BIRC6: variants seen among roughly 807,000 people sequenced by gnomAD.
BIRC6 encodes dual E2 ubiquitin-conjugating enzyme/E3 ubiquitin-protein ligase BIRC6.
Under a neutral mutation model 503.3 loss-of-function variants are expected in BIRC6, and 98 were observed. That is an observed-to-expected ratio of 0.19 (90% CI 0.17 to 0.23). BIRC6 has a LOEUF of 0.23. BIRC6 is among the 10% of genes least tolerant of loss of function. The probability of loss-of-function intolerance (pLI) is 1.00; values close to 1 mark genes in which losing one functional copy is unlikely to be tolerated. For missense variants in BIRC6, 5,360 were observed against 5,806.0 expected (o/e 0.92, Z 2.50); for synonymous variants, 2,240 against 2,078.7 (o/e 1.08, Z -2.11).
At position 32,464,590 on chromosome 2, in the gene BIRC6, T is replaced by A. The variant is rs2048327861; in HGVS notation, c.5023T>A (p.Ser1675Thr). ...AASAVGPVHNSVPSNPVAAPG... is the reference protein window; with the variant it reads ...AASAVGPVHNTVPSNPVAAPG... ...ATCAGCAGTAGGTCCTGTTCACAAC[T>A]CTGTGCCTTCCAACCCAGTGGCTGC... The change falls in exon 25 of 74, where the codon TCT becomes ACT. Residue 1675 changes from serine to threonine, a missense_variant. By Grantham distance (58) the Ser-to-Thr change is moderately conservative. This residue lies in a region of BIRC6 where 2,299 missense variants were observed against 2,267.2 expected (regional missense o/e 1.01). Coordinates refer to ENST00000421745, the MANE Select transcript of BIRC6 (RefSeq NM_016252.4). The A allele has an allele frequency of 1.2e-6, 2 of 1,612,706 alleles. No homozygotes were observed. The highest frequency in any genetic ancestry group is 1.7e-6 in the Non-Finnish European group (2 of 1,179,130).
chr2:32,402,144 A>G (rs1446715245), intron 8 of BIRC6, among the ~76,000 whole-genome samples: 2 of 152,224 alleles, frequency 1.3e-5, no homozygotes, highest in Non-Finnish European at 2.9e-5. Context: ...CTATAGAAAT[A>G]TTTTGGTAAA....
chr2:32,485,563 A>C (rs991490095), intron 39 of BIRC6, 80 bp from the exon 40 acceptor site: 2 of 921,578 alleles, frequency 2.2e-6, no homozygotes, highest in East Asian at 5.0e-5. Context: ...TTGGGTTCAG[A>C]TGTCATCATT....
At chr2:32,510,750 T>G in intron 53 of BIRC6, 116 bp downstream of exon 53, 1 of 703,142 alleles carries the variant, frequency 1.4e-6, no homozygotes, top group Non-Finnish European at 2.4e-6. Context: ...TGTGATATAT[T>G]GTATGTTTAC....
At chr2:32,471,234 T>C in intron 32 of BIRC6, 110 bp downstream of exon 32, 1 of 1,359,908 alleles carries the variant, frequency 7.4e-7, no homozygotes, top group Non-Finnish European at 1.0e-6. Flanking sequence ...GGCCTGGAGC[T>C]ACCAGCTGTA....
Position 32,505,009 on chromosome 2 carries a change from A to G in BIRC6, c.9504A>G (p.Thr3168=). ...EGIHNFAPLG[T]ITSSSPTAQP... ...TATGTAAAATATCTTCTCTAGGTAC[A>G]ATCACATCTAGCAGTCCTACTGCCC... Residue 3168 remains threonine, a synonymous_variant, in exon 50 of 74, where the codon ACA becomes ACG. Transcript: ENST00000421745. The G allele has an allele frequency of 6.2e-7, 1 of 1,612,738 alleles. No homozygotes were observed. Among genetic ancestry groups the G allele is most frequent in the Non-Finnish European group, 8.5e-7 (1 of 1,179,096 alleles).
At chr2:32,493,159 A>G (rs1156414981) in intron 44 of BIRC6, among the ~76,000 whole-genome samples, 1 of 151,560 alleles carries the variant, frequency 6.6e-6, no homozygotes, top group Non-Finnish European at 1.5e-5. Context: ...CTCCTGAGTT[A>G]TTTGATTTTG....
intron 46 of BIRC6, 45 bp from the exon 47 acceptor site, chr2:32,501,668 G>A: frequency 6.5e-7 from 1 of 1,529,238 alleles, no homozygotes. Context: ...ACTGCGCCTG[G>A]CTGGATATAT....
intron 65 of BIRC6, among the ~76,000 whole-genome samples, chr2:32,555,788 A>G (rs1007438322): frequency 1.3e-5 from 2 of 151,654 alleles, no homozygotes; most frequent in African/African-American, 4.8e-5. Flanking sequence ...TCTACAAAAG[A>G]ACAAAAAATC....
At chr2:32,412,198 G>A (rs886393819) in intron 9 of BIRC6, among the ~76,000 whole-genome samples, 3 of 152,090 alleles carry the variant, frequency 2.0e-5, no homozygotes, top group South Asian at 2.1e-4. Context: ...TTTAAAGAAG[G>A]CACAATAGAA....
rs1400272215 is a variant in BIRC6 at position 32,488,827 on chromosome 2, GA to G, written c.8095+119del. The G allele has an allele frequency of 4.9e-5, 35 of 716,706 alleles. No homozygotes were observed. In the African/African-American group the frequency reaches 6.1e-4, roughly 13 times the overall value. 44.4% of individuals were successfully genotyped at this position (716,706 alleles called of 1,614,324 possible). On this transcript the variant is annotated intron_variant, in intron 42 of 73. Coordinates refer to ENST00000421745, the MANE Select transcript of BIRC6 (RefSeq NM_016252.4). ...TTAGGGGTTATAACATTCTAGTGGG[GA>G]AAAAACAGAATACCTTTTTAAAAAG... is the stretch of plus-strand genomic sequence containing the variant.
chr2:32,460,245 GATATATATATATATAT>G (rs1269564471), intron 23 of BIRC6, among the ~76,000 whole-genome samples: 1 of 30,976 alleles, frequency 3.2e-5, no homozygotes, highest in East Asian at 1.1e-3. Flanking sequence ...TCTCGTATAT[GATATATATATATATAT>G]ATATATATAT....
intron 1 of BIRC6, among the ~76,000 whole-genome samples, chr2:32,369,940 AAAAAAATATATATATATATATATATAT>A (rs1445115338): frequency 3.0e-4 from 15 of 50,202 alleles, no homozygotes; most frequent in Admixed American, 9.1e-4. Context: ...AAAAAAAAAA[AAAAAAATATATATATATATATATATAT>A]ATATATATAT....
At chr2:32,532,339 G>A (rs139118849) in intron 61 of BIRC6, 46 of 445,284 alleles carry the variant, frequency 1.0e-4, no homozygotes, top group Middle Eastern at 7.6e-4. Flanking sequence ...CTGAATTCAG[G>A]CTGTAGGGAA....
chr2:32,578,823 C>T (rs1410349684), intron 66 of BIRC6, among the ~76,000 whole-genome samples: 1 of 151,376 alleles, frequency 6.6e-6, no homozygotes, highest in East Asian at 1.9e-4. Flanking sequence ...TACATACATA[C>T]ATACATACAT....
rs560251664 is a variant in BIRC6 at position 32,480,621 on chromosome 2, C to CTTTTTTTTTTT, written c.7409-672_7409-662dup. Among the ~76,000 whole-genome samples, 37 of 60,734 alleles carry CTTTTTTTTTTT rather than the reference C, an allele frequency of 6.1e-4. 5 individuals carry two copies. In the East Asian group the frequency reaches 6.1e-3, roughly 10 times the overall value. 39.8% of individuals were successfully genotyped at this position (60,734 alleles called of 152,430 possible). A position where few individuals can be genotyped will look rare whatever the true frequency, so the allele number is the denominator to read the frequency against. On this transcript the variant is annotated intron_variant, in intron 37 of 73. Coordinates refer to ENST00000421745, the MANE Select transcript of BIRC6 (RefSeq NM_016252.4). ...CATAACAGAAAAATAAGGTAAATGG[C>CTTTTTTTTTTT]TTTTTTTTTTTTTTTTTTTTTTTTT...
In BIRC6 at chr2:32,531,451, C is replaced by T; in HGVS notation, c.12191C>T (p.Thr4064Ile). 6.2e-7 allele frequency: 1 copy of T among 1,613,812 alleles called. No individual in the cohort carries two copies. Among genetic ancestry groups the T allele is most frequent in the Non-Finnish European group, 8.5e-7 (1 of 1,179,824 alleles). The change falls in exon 61 of 74, where the codon ACC (threonine) becomes ATC (isoleucine). Residue 4064 changes from threonine to isoleucine, a missense_variant. Coordinates refer to ENST00000421745, the MANE Select transcript of BIRC6 (RefSeq NM_016252.4). The part of the protein sequence containing the change: ...DGILDESLLE[T>I]CPIQSPLQVF... ...ATACTGGATGAATCTTTGCTTGAAACCTGTCCAATTCAGTCACCATTACAA... is the reference window on the plus strand; with the variant it reads ...ATACTGGATGAATCTTTGCTTGAAATCTGTCCAATTCAGTCACCATTACAA...
At chr2:32,495,977 A>G (rs1558888852) in intron 45 of BIRC6, among the ~76,000 whole-genome samples, 1 of 151,488 alleles carries the variant, frequency 6.6e-6, no homozygotes, top group Non-Finnish European at 1.5e-5. Context: ...AGCTGGGACT[A>G]CAGGTGCCTG....
At chr2:32,477,091 G>T (rs1393837426) in intron 34 of BIRC6, among the ~76,000 whole-genome samples, 1 of 152,042 alleles carries the variant, frequency 6.6e-6, no homozygotes, top group Non-Finnish European at 1.5e-5. Flanking sequence ...TGTTAGATTT[G>T]ACTTAATAAC....
chr2:32,592,266 C>G (rs112943681), intron 66 of BIRC6, among the ~76,000 whole-genome samples: 2,254 of 152,260 alleles, frequency 0.015, 30 homozygotes, highest in African/African-American at 0.031. Flanking sequence ...TCTTATAACT[C>G]AGGGAAGATA....
Sources: allele counts gnomAD v4.1 joint callset (sites outside exome capture counted in the v4.1 genomes callset), GRCh38; gene constraint gnomAD v4.1.1; regional missense constraint gnomAD v4.1.1; transcripts MANE v1.5; gene names NCBI Gene and HGNC (gene_info 2026-07-23, HGNC 2026-07-21).